SPATA16: variants seen among roughly 807,000 people sequenced by gnomAD.
SPATA16 encodes the protein spermatogenesis associated 16, also known as spermatogenesis-associated protein 16.
Under a neutral mutation model 63.3 loss-of-function variants are expected in SPATA16, and 36 were observed. That is an observed-to-expected ratio of 0.57 (90% CI 0.44 to 0.75). The LOEUF (loss-of-function observed/expected upper bound fraction) is 0.75. SPATA16 is among the 30% of genes least tolerant of loss of function. The pLI is 0.00. For synonymous variants in SPATA16, 203 were observed against 216.7 expected (o/e 0.94, Z 0.56); for missense variants, 646 against 679.3 (o/e 0.95, Z 0.54).
chr3:173,065,636 A>G (rs1013783463), intron 2 of SPATA16, among the ~76,000 whole-genome samples: 1 of 152,208 alleles, frequency 6.6e-6, no homozygotes, highest in Non-Finnish European at 1.5e-5. Context: ...TGCATTGCCT[A>G]CACCACTCCT....
chr3:172,890,751 T>G (rs920758624), intron 10 of SPATA16, among the ~76,000 whole-genome samples: 2 of 136,034 alleles, frequency 1.5e-5, no homozygotes, highest in Admixed American at 6.9e-5. Flanking sequence ...GTCCACTGTT[T>G]TTTTTTTTTT....
chr3:173,069,035 G>A (rs555348158), intron 2 of SPATA16, among the ~76,000 whole-genome samples: 5 of 150,902 alleles, frequency 3.3e-5, no homozygotes, highest in East Asian at 3.9e-4. Context: ...GCGTGAACCC[G>A]GGAGGCGGAG....
intron 4 of SPATA16, among the ~76,000 whole-genome samples, chr3:172,992,098 T>A (rs1286954263): frequency 6.6e-6 from 1 of 152,132 alleles, no homozygotes; most frequent in Non-Finnish European, 1.5e-5. Context: ...GCATTCCTTT[T>A]GTGGCACAGT....
chr3:172,929,647 C>G (rs963005499), intron 6 of SPATA16, among the ~76,000 whole-genome samples: 4 of 152,134 alleles, frequency 2.6e-5, no homozygotes. Flanking sequence ...CCCCAGCTCA[C>G]TGATACTCTC....
At chr3:172,972,906 C>G (rs1734079839) in intron 5 of SPATA16, among the ~76,000 whole-genome samples, 1 of 152,086 alleles carries the variant, frequency 6.6e-6, no homozygotes, top group Non-Finnish European at 1.5e-5. Flanking sequence ...ATAAGCCTAA[C>G]AAAGATGACC....
intron 2 of SPATA16, among the ~76,000 whole-genome samples, chr3:173,090,228 G>C (rs1488372967): frequency 2.6e-5 from 4 of 152,058 alleles, no homozygotes; most frequent in African/African-American, 9.7e-5. Flanking sequence ...GGCTTGTCAT[G>C]AGACTGTTTA....
chr3:172,998,588 C>A (rs185536627), intron 4 of SPATA16, among the ~76,000 whole-genome samples: 1 of 152,070 alleles, frequency 6.6e-6, no homozygotes, highest in Non-Finnish European at 1.5e-5. Flanking sequence ...TGAAAAGCAA[C>A]GGTGAGAGGT....
intron 4 of SPATA16, among the ~76,000 whole-genome samples, chr3:172,983,579 TAAA>T (rs1353085767): frequency 6.6e-6 from 1 of 152,174 alleles, no homozygotes; most frequent in African/African-American, 2.4e-5. Context: ...CTCCTATACT[TAAA>T]AAAGCTCAAG....
At chr3:172,946,966 C>A (rs1733305082) in intron 6 of SPATA16, among the ~76,000 whole-genome samples, 1 of 151,814 alleles carries the variant, frequency 6.6e-6, no homozygotes, top group Non-Finnish European at 1.5e-5. Flanking sequence ...TGTATCACCT[C>A]TCCTGAAGCT....
At chr3:173,027,415 C>A (rs1370314330) in intron 3 of SPATA16, among the ~76,000 whole-genome samples, 1 of 151,876 alleles carries the variant, frequency 6.6e-6, no homozygotes, top group Non-Finnish European at 1.5e-5. Context: ...ATTTTCTTTG[C>A]CCTATTGTAC....
intron 6 of SPATA16, among the ~76,000 whole-genome samples, chr3:172,947,170 C>T: frequency 6.6e-6 from 1 of 152,140 alleles, no homozygotes; most frequent in Admixed American, 6.5e-5. Flanking sequence ...GAGATGGCTG[C>T]AGGGATCAAA....
chr3:173,109,523 G>A (rs1737698860), intron 2 of SPATA16, among the ~76,000 whole-genome samples: 1 of 152,060 alleles, frequency 6.6e-6, no homozygotes, highest in Non-Finnish European at 1.5e-5. Context: ...AAAATATTTT[G>A]TTCCTTTAAT....
At chr3:172,975,325 T>C (rs906163795) in intron 5 of SPATA16, among the ~76,000 whole-genome samples, 6 of 152,156 alleles carry the variant, frequency 3.9e-5, no homozygotes, top group Admixed American at 3.3e-4. Flanking sequence ...ATTTTCTTAG[T>C]TCAATGTAGA....
chr3:173,070,957 A>T (rs1327332889), intron 2 of SPATA16, among the ~76,000 whole-genome samples: 1 of 152,198 alleles, frequency 6.6e-6, no homozygotes, highest in Non-Finnish European at 1.5e-5. Flanking sequence ...AATATAAAAA[A>T]CAATTCTAAA....
At chr3:172,962,253 C>CAAA (rs71162320) in intron 5 of SPATA16, among the ~76,000 whole-genome samples, 7,648 of 47,512 alleles carry the variant, frequency 0.16, 1,168 homozygotes, top group African/African-American at 0.2. Context: ...GACTCTGTCT[C>CAAA]AAAAAAAAAA....
At chr3:173,125,680 A>G (rs1738207768) in intron 1 of SPATA16, among the ~76,000 whole-genome samples, 1 of 152,108 alleles carries the variant, frequency 6.6e-6, no homozygotes. Context: ...AACTAGAGTA[A>G]TCAGCCCTAC....
At chr3:173,005,307 A>AG (rs1734916099) in intron 4 of SPATA16, among the ~76,000 whole-genome samples, 1 of 145,656 alleles carries the variant, frequency 6.9e-6, no homozygotes, top group Non-Finnish European at 1.5e-5. Flanking sequence ...CTGGTGACAG[A>AG]GCAAGACTCT....
At chr3:173,077,486 A>G (rs1736834316) in intron 2 of SPATA16, among the ~76,000 whole-genome samples, 1 of 152,218 alleles carries the variant, frequency 6.6e-6, no homozygotes. Context: ...ATTCCTCCAT[A>G]GGAGGATAAA....
At chr3:172,945,859 T>C (rs1733271940) in intron 6 of SPATA16, among the ~76,000 whole-genome samples, 1 of 152,082 alleles carries the variant, frequency 6.6e-6, no homozygotes, top group East Asian at 1.9e-4. Flanking sequence ...TATGCTGGAT[T>C]TGGAGTCAGT....
Sources: gnomAD v4.1 joint callset for allele counts (sites outside exome capture counted in the v4.1 genomes callset) on GRCh38, gnomAD v4.1.1 for gene constraint, MANE v1.5 for transcripts, NCBI Gene and HGNC (gene_info 2026-07-23, HGNC 2026-07-21) for gene names.